Variants in MRTFA observed in about 807,000 individuals in gnomAD.
MRTFA encodes the protein myocardin related transcription factor A.
MRTFA carries 20 observed loss-of-function variants against 83.5 expected under a neutral mutation model. That is an observed-to-expected ratio of 0.24 (90% confidence interval 0.17 to 0.35). The LOEUF is 0.35. Among genes scored for constraint, MRTFA ranks in the 10% least tolerant of loss-of-function variants. The probability of loss-of-function intolerance (pLI) is 1.00; values close to 1 mark genes in which losing one functional copy is unlikely to be tolerated. For synonymous variants in MRTFA, 659 were observed against 541.2 expected (o/e 1.22, Z -3.02); for missense variants, 1,200 against 1,224.7 (o/e 0.98, Z 0.30).
intron 4 of MRTFA, among the ~76,000 whole-genome samples, chr22:40,445,491 T>C (rs1183301097): frequency 6.6e-6 from 1 of 152,186 alleles, no homozygotes; most frequent in African/African-American, 2.4e-5. Context: ...AAAATGTTCT[T>C]TTATAGCTGT....
rs1318513425 is a variant in MRTFA at position 40,538,502 on chromosome 22, T to TCCAC, written c.241+13600_241+13603dup. Among the ~76,000 whole-genome samples the TCCAC allele has an allele frequency of 4.7e-5, 7 of 149,692 alleles. No homozygotes were observed. The East Asian group carries it at 1.4e-3, about 29-fold the overall frequency. On this transcript the variant is annotated intron_variant, in intron 3 of 14. Coordinates refer to ENST00000355630, the MANE Select transcript of MRTFA (RefSeq NM_020831.6). ...CACTTGTTTATCTGCTGACCTTCCC[T>TCCAC]CCACTATTGTCCCATGACCCTGCCA...
At chr22:40,417,295 C>G (rs754299840) in intron 13 of MRTFA, 46 bp downstream of exon 13, 3 of 1,591,562 alleles carry the variant, frequency 1.9e-6, no homozygotes, top group Non-Finnish European at 1.7e-6. Context: ...GCCCAGCAGC[C>G]TAGGGCAGCT....
intron 14 of MRTFA, among the ~76,000 whole-genome samples, chr22:40,413,257 G>C (rs988652701): frequency 6.6e-6 from 1 of 151,382 alleles, no homozygotes; most frequent in East Asian, 1.9e-4. Flanking sequence ...AGGAGTTTGA[G>C]AGCAGCCTGG....
At chr22:40,483,554 G>A (rs1466321867) in intron 3 of MRTFA, among the ~76,000 whole-genome samples, 3 of 151,430 alleles carry the variant, frequency 2.0e-5, no homozygotes, top group African/African-American at 7.3e-5. Flanking sequence ...GTGTGGTGGG[G>A]GGCGCCTGTA....
At chr22:40,573,236 G>A (rs141110912) in intron 2 of MRTFA, among the ~76,000 whole-genome samples, 2 of 152,184 alleles carry the variant, frequency 1.3e-5, no homozygotes, top group African/African-American at 4.8e-5. Context: ...CCACTGAATT[G>A]TATTTTTGGT....
At chr22:40,598,497 A>C (rs2056218094) in intron 1 of MRTFA, among the ~76,000 whole-genome samples, 1 of 152,180 alleles carries the variant, frequency 6.6e-6, no homozygotes, top group Non-Finnish European at 1.5e-5. Flanking sequence ...GAACTACAGC[A>C]CAAGAGTTCA....
intron 7 of MRTFA, among the ~76,000 whole-genome samples, chr22:40,426,103 T>G (rs1207401648): frequency 6.6e-6 from 1 of 151,800 alleles, no homozygotes; most frequent in Non-Finnish European, 1.5e-5. Context: ...GGAGGAAGGG[T>G]GGGATGGGGA....
rs796125975 is a variant in MRTFA at position 40,615,047 on chromosome 22, G to GA, written c.-83-20313dup. ...TGGTGAGTGCTCCTTACACGTGCTA[G>GA]AAAAAAAAAAATCTGCCTATGTCAA... is the stretch of plus-strand genomic sequence containing the variant. On this transcript the variant is annotated intron_variant, in intron 1 of 14. Transcript: ENST00000355630. 7.7e-3 allele frequency among the ~76,000 whole-genome samples: 1,126 copies of GA among 146,306 alleles called. 13 individuals are homozygous for GA. Among genetic ancestry groups the GA allele is most frequent in the African/African-American group, 0.026 (1,045 of 40,220 alleles).
intron 1 of MRTFA, among the ~76,000 whole-genome samples, chr22:40,616,571 A>G (rs2056451300): frequency 6.6e-6 from 1 of 152,228 alleles, no homozygotes; most frequent in Admixed American, 6.5e-5. Flanking sequence ...GATTATCAAC[A>G]GAAATGGATA....
intron 3 of MRTFA, among the ~76,000 whole-genome samples, chr22:40,495,046 A>T (rs969775105): frequency 6.6e-6 from 1 of 151,720 alleles, no homozygotes; most frequent in Non-Finnish European, 1.5e-5. Context: ...TTTTTTTTTA[A>T]AAAAGCAGAT....
intron 3 of MRTFA, among the ~76,000 whole-genome samples, chr22:40,471,246 A>G (rs1312045459): frequency 3.5e-5 from 5 of 144,466 alleles, no homozygotes. Context: ...AAAAAAAAAA[A>G]ACAAGAATTA....
chr22:40,462,840 G>C (rs527701946), intron 4 of MRTFA, among the ~76,000 whole-genome samples: 18 of 152,306 alleles, frequency 1.2e-4, no homozygotes, highest in African/African-American at 3.6e-4. Flanking sequence ...GAACATGAAG[G>C]CAAAGCATAT....
chr22:40,418,572 C>T lies in MRTFA; in HGVS notation c.2166G>A (p.Val722=), dbSNP rs1410807320. The T allele has an allele frequency of 1.3e-6, 2 of 1,558,076 alleles. No homozygotes were observed. Among genetic ancestry groups the T allele is most frequent in the Non-Finnish European group, 1.7e-6 (2 of 1,158,532 alleles). Residue 722 remains valine, a synonymous_variant, in exon 12 of 15, where the codon GTG becomes GTA. Transcript: ENST00000355630. The stretch of plus-strand genomic sequence containing the variant: ...CAGGCTGCAAGGCTTCCTGCTTCAC[C>T]ACCACGGACGGGGGCCCCGGGGCCA...
chr22:40,418,208 G>C (rs2052728683), intron 12 of MRTFA, among the ~76,000 whole-genome samples, 166 bp downstream of exon 12: 1 of 152,210 alleles, frequency 6.6e-6, no homozygotes, highest in Non-Finnish European at 1.5e-5. Context: ...GTCTGAGGCA[G>C]GTCCCTTAAC....
At chr22:40,593,492 AT>A (rs2056149228) in intron 2 of MRTFA, among the ~76,000 whole-genome samples, 1 of 152,214 alleles carries the variant, frequency 6.6e-6, no homozygotes, top group Non-Finnish European at 1.5e-5. Context: ...TTACCCCAAT[AT>A]AAAAGTAGAA....
intron 2 of MRTFA, among the ~76,000 whole-genome samples, chr22:40,565,734 T>G (rs545127888): frequency 2.0e-5 from 3 of 152,060 alleles, no homozygotes; most frequent in Non-Finnish European, 4.4e-5. Context: ...CAATAAAAAG[T>G]TTTTGGATAA....
At position 40,465,065 on chromosome 22, in the gene MRTFA, T is replaced by C. The variant is rs145776545; in HGVS notation, c.242-1779A>G. Reference sequence around the variant, plus strand: ...CGTGAATTTTTTCCTACCTCTTTTATTCACTTCACCTGGAAATGCCTACCC... The same window carrying C: ...CGTGAATTTTTTCCTACCTCTTTTACTCACTTCACCTGGAAATGCCTACCC... On this transcript the variant is annotated intron_variant, in intron 3 of 14. Transcript: ENST00000355630. 4.4e-3 allele frequency among the ~76,000 whole-genome samples: 673 copies of C among 152,292 alleles called. 7 individuals are homozygous for C. The highest frequency in any genetic ancestry group is 0.016 in the African/African-American group (648 of 41,550).
At chr22:40,585,167 A>G (rs2056009650) in intron 2 of MRTFA, among the ~76,000 whole-genome samples, 1 of 152,226 alleles carries the variant, frequency 6.6e-6, no homozygotes, top group Non-Finnish European at 1.5e-5. Context: ...AAGGCAGTCC[A>G]GGCCTCAATG....
intron 3 of MRTFA, among the ~76,000 whole-genome samples, chr22:40,470,884 G>A (rs1394548075): frequency 6.6e-6 from 1 of 151,950 alleles, no homozygotes; most frequent in Non-Finnish European, 1.5e-5. Flanking sequence ...GGGAGGCGGA[G>A]GTTACAGTGA....
Sources: gnomAD v4.1 joint callset for allele counts (sites outside exome capture counted in the v4.1 genomes callset) on GRCh38, gnomAD v4.1.1 for gene constraint, MANE v1.5 for transcripts, NCBI Gene and HGNC (gene_info 2026-07-23, HGNC 2026-07-21) for gene names.